Variants in ENGASE observed in about 807,000 individuals in gnomAD.
ENGASE encodes cytosolic endo-beta-N-acetylglucosaminidase.
Under a neutral mutation model 78.5 loss-of-function variants are expected in ENGASE, and 69 were observed. The observed-to-expected ratio is 0.88, with a 90% CI of 0.72 to 1.07. ENGASE has a LOEUF of 1.07. ENGASE is among the 50% of genes least tolerant of loss of function. The probability of loss-of-function intolerance (pLI) is 0.00; values close to 1 mark genes in which losing one functional copy is unlikely to be tolerated. For synonymous variants in ENGASE, 408 were observed against 408.9 expected (o/e 1.00, Z 0.03); for missense variants, 943 against 988.4 (o/e 0.95, Z 0.62).
rs1178924477 is a variant in ENGASE at position 79,085,653 on chromosome 17, G to A, written c.1734G>A (p.Leu578=). 5.6e-6 allele frequency: 9 copies of A among 1,613,840 alleles called. No individual in the cohort carries two copies. The South Asian group carries it at 6.6e-5, about 12-fold the overall frequency. ...CYEVSLRGCL[L]LDLLVCFSRP... The stretch of plus-strand genomic sequence containing the variant: ...AGGTGAGCCTGCGTGGGTGCCTGCT[G>A]CTAGACCTCCTCGTTTGCTTCTCAC... The change falls in exon 13 of 14, where the codon CTG becomes CTA. Residue 578 remains leucine, a synonymous_variant. Coordinates refer to ENST00000579016, the MANE Select transcript of ENGASE (RefSeq NM_001042573.3).
intron 3 of ENGASE, among the ~76,000 whole-genome samples, chr17:79,078,525 G>A (rs993306783): frequency 1.3e-5 from 2 of 152,170 alleles, no homozygotes; most frequent in African/African-American, 4.8e-5. Context: ...ACGTGGTTTG[G>A]TGTTCGTCAC....
chr17:79,082,739 G>T, intron 7 of ENGASE: 1 of 1,423,696 alleles, frequency 7.0e-7, no homozygotes, highest in South Asian at 1.2e-5. Flanking sequence ...GTGTGCCAGA[G>T]GACAATGGGA....
At chr17:79,085,044 C>T (rs926455006) in intron 11 of ENGASE, among the ~76,000 whole-genome samples, 190 bp from the exon 12 acceptor site, 2 of 152,124 alleles carry the variant, frequency 1.3e-5, no homozygotes, top group Non-Finnish European at 2.9e-5. Context: ...AGTGAGGGCG[C>T]GGCTGACCCC....
In ENGASE at chr17:79,087,604, T is replaced by TGG. The variant is rs140748058; in HGVS notation, c.*1264_*1265dup. 1,381 of 147,956 alleles carry TGG rather than the reference T, an allele frequency of 9.3e-3. 17 individuals carry two copies. Among genetic ancestry groups the TGG allele is most frequent in the African/African-American group, 0.031 (1,223 of 39,692 alleles). 9.2% of individuals were successfully genotyped at this position (147,956 alleles called of 1,614,324 possible). On this transcript the variant is annotated 3_prime_UTR_variant, in exon 14 of 14. Coordinates refer to ENST00000579016, the MANE Select transcript of ENGASE (RefSeq NM_001042573.3). ...TCAGTGGCCTGAAGTCCCTCGCTTT[T>TGG]GGGGGGGGGGTCTCTCACCCCCAGG...
At chr17:79,077,333 A>G (rs79656159) in intron 1 of ENGASE, 97 bp from the exon 2 acceptor site, 1 of 1,019,226 alleles carries the variant, frequency 9.8e-7, no homozygotes, top group African/African-American at 1.6e-5. Context: ...GGCAGAGAAT[A>G]TCTCTCTGTG....
intron 3 of ENGASE, among the ~76,000 whole-genome samples, chr17:79,078,200 C>T (rs1053995312): frequency 6.6e-6 from 1 of 152,110 alleles, no homozygotes; most frequent in Non-Finnish European, 1.5e-5. Context: ...ATTAGCCAGG[C>T]ATGGTGGCAG....
At position 79,083,781 on chromosome 17, in the gene ENGASE, G is replaced by A. The variant is rs1459356616; in HGVS notation, c.1272G>A (p.Trp424Ter). 6.2e-7 allele frequency: 1 copy of A among 1,611,466 alleles called. No individual in the cohort carries two copies. Among genetic ancestry groups the A allele is most frequent in the East Asian group, 2.2e-5 (1 of 44,836 alleles). Residue 424 changes from tryptophan to a stop codon, truncating the protein, a stop_gained, in exon 10 of 14, where the codon TGG (tryptophan) becomes TGA (stop). Transcript: ENST00000579016. LOFTEE classifies it high-confidence loss of function. This position sits in a 1 kb window ranked among gnomAD's most constrained non-coding sequence, Gnocchi z 4.9. ...CYGQEEAVGPWYHLSAQEIQP... is the reference protein window; with the variant it reads ...CYGQEEAVGP The stretch of plus-strand genomic sequence containing the variant: ...TTCAGGAAGAGGCGGTAGGGCCCTG[G>A]TACCACCTGAGCGCCCAGGAGATCC...
At chr17:79,085,154 C>T in intron 11 of ENGASE, 80 bp from the exon 12 acceptor site, 1 of 1,151,440 alleles carries the variant, frequency 8.7e-7, no homozygotes, top group Non-Finnish European at 1.3e-6. Context: ...CTCTGGACTC[C>T]TGGGGCGCCC....
At chr17:79,082,588 G>T in intron 7 of ENGASE, 1 of 1,253,518 alleles carries the variant, frequency 8.0e-7, no homozygotes. Flanking sequence ...GCAGGGCTCT[G>T]CCTGCCTCTG....
chr17:79,077,362 A>T, intron 1 of ENGASE, 68 bp from the exon 2 acceptor site: 1 of 1,408,464 alleles, frequency 7.1e-7, no homozygotes, highest in Non-Finnish European at 9.7e-7. Context: ...AAACTGGTCC[A>T]TTTGCTTCTA....
In ENGASE at chr17:79,086,258, A is replaced by T; in HGVS notation, c.2141A>T (p.Glu714Val). ...AAGPGQDRRM[E>V]FLVEPVPKEG... is the part of the protein sequence containing the mutation. ...GGGCCCGGCCAGGATCGTCGCATGG[A>T]ATTTCTGGTGGAGCCTGTCCCCAAG... The change falls in exon 14 of 14, where the codon GAA (glutamate) becomes GTA (valine). Residue 714 changes from glutamate to valine, a missense_variant. By Grantham distance (121) the Glu-to-Val change is moderately radical. Transcript: ENST00000579016. The T allele has an allele frequency of 6.2e-7, 1 of 1,613,522 alleles. No homozygotes were observed. Among genetic ancestry groups the T allele is most frequent in the Non-Finnish European group, 8.5e-7 (1 of 1,180,024 alleles).
In ENGASE at chr17:79,083,485, C is replaced by T; in HGVS notation, c.1146C>T (p.Phe382=). 3 of 1,613,502 alleles carry T rather than the reference C, an allele frequency of 1.9e-6. No individual in the cohort carries two copies. Among genetic ancestry groups the T allele is most frequent in the Non-Finnish European group, 2.5e-6 (3 of 1,179,492 alleles). The part of the protein sequence containing the change: ...KKDFFQNQDK[F]WGRLERYLPT... ...GTTGCCCCCATGTCTCTGGCAGGTT[C>T]TGGGGCCGACTGGAGCGTTATCTGC... The change falls in exon 9 of 14, where the codon TTC becomes TTT. Residue 382 remains phenylalanine (F), a synonymous_variant. Coordinates refer to ENST00000579016, the MANE Select transcript of ENGASE (RefSeq NM_001042573.3). This position sits in a 1 kb window ranked among gnomAD's most constrained non-coding sequence, Gnocchi z 4.9.
rs765933875 is a variant in ENGASE at position 79,081,064 on chromosome 17, A to G, written c.863A>G (p.Gln288Arg). 5.1e-6 allele frequency: 7 copies of G among 1,379,694 alleles called. No homozygotes were observed. The highest frequency in any genetic ancestry group is 2.9e-4 in the Middle Eastern group (1 of 3,450). 85.5% of individuals were successfully genotyped at this position (1,379,694 alleles called of 1,614,324 possible). ...GQLKWQDELN[Q>R]HNRVFFDSCD... Reference sequence around the variant, plus strand: ...CTCAAATGGCAAGACGAACTCAACCAGCACAACAGGTGAGCCTGCAGACAG... The same window carrying G: ...CTCAAATGGCAAGACGAACTCAACCGGCACAACAGGTGAGCCTGCAGACAG... Residue 288 changes from glutamine (Q) to arginine (R), a missense_variant, in exon 6 of 14, where the codon CAG becomes CGG. Gln to Arg is a conservative substitution (Grantham distance 43, BLOSUM62 1). Transcript: ENST00000579016.
intron 11 of ENGASE, among the ~76,000 whole-genome samples, chr17:79,085,009 C>T (rs561048222): frequency 3.5e-4 from 54 of 152,200 alleles, no homozygotes; most frequent in South Asian, 4.1e-4. Flanking sequence ...GTGGGGGAGA[C>T]GGCAGGCTGG....
chr17:79,085,874 G>T, intron 13 of ENGASE, 59 bp from the exon 14 acceptor site: 1 of 1,575,790 alleles, frequency 6.3e-7, no homozygotes, highest in Non-Finnish European at 8.6e-7. Context: ...ATGTGTGCGT[G>T]GGGGCACCCT....
At position 79,083,925 on chromosome 17, in the gene ENGASE, A is replaced by T; in HGVS notation, c.1416A>T (p.Pro472=). The T allele has an allele frequency of 6.2e-7, 1 of 1,610,534 alleles. No individual in the cohort carries two copies. The highest frequency in any genetic ancestry group is 1.3e-5 in the African/African-American group (1 of 74,904). The change falls in exon 10 of 14, where the codon CCA becomes CCT. Residue 472 remains proline (P), a synonymous_variant. Coordinates refer to ENST00000579016, the MANE Select transcript of ENGASE (RefSeq NM_001042573.3). The surrounding 1 kb of genome is among the most constrained non-coding windows in gnomAD (Gnocchi z 4.9). ...GSSLLVRGVI[P]PEVGNVAVRL... ...CCCTGCTCGTCCGGGGTGTGATCCC[A>T]CCGGAGGTTGGAAATGTGGCTGTGA... is the stretch of plus-strand genomic sequence containing the variant.
Position 79,083,095 on chromosome 17 carries a change from A to C in ENGASE, c.1114A>C (p.Lys372Gln). ...APGWVYECLE[K>Q]KDFFQNQDKF... ...CGGCTGGGTGTATGAGTGTCTGGAGAAGAAGGATTTCTTCCAGAACCAGGA... is the reference window on the plus strand; with the variant it reads ...CGGCTGGGTGTATGAGTGTCTGGAGCAGAAGGATTTCTTCCAGAACCAGGA... Residue 372 changes from lysine to glutamine, a missense_variant, in exon 8 of 14, where the codon AAG becomes CAG. Coordinates refer to ENST00000579016, the MANE Select transcript of ENGASE (RefSeq NM_001042573.3). This position sits in a 1 kb window ranked among gnomAD's most constrained non-coding sequence, Gnocchi z 4.9. 6.2e-7 allele frequency: 1 copy of C among 1,613,658 alleles called. No homozygotes were observed. The highest frequency in any genetic ancestry group is 8.5e-7 in the Non-Finnish European group (1 of 1,179,800).
chr17:79,082,615 C>A (rs553287372), intron 7 of ENGASE: 4 of 1,282,132 alleles, frequency 3.1e-6, no homozygotes, highest in Non-Finnish European at 4.1e-6. Context: ...CAGTCCTGCC[C>A]GTTCCCAGAG....
intron 1 of ENGASE, among the ~76,000 whole-genome samples, chr17:79,075,438 T>C (rs934802017): frequency 6.6e-6 from 1 of 152,236 alleles, no homozygotes; most frequent in Non-Finnish European, 1.5e-5. Flanking sequence ...CCGGCGGCGG[T>C]GCTCATGCCT....
Sources: gnomAD v4.1 joint callset for allele counts (sites outside exome capture counted in the v4.1 genomes callset) on GRCh38, gnomAD v4.1.1 for gene constraint, Gnocchi (gnomAD v3.1) non-coding constraint, MANE v1.5 for transcripts, NCBI Gene and HGNC (gene_info 2026-07-23, HGNC 2026-07-21) for gene names.